CHRNA7: variants seen among roughly 807,000 people sequenced by gnomAD.
The protein encoded by CHRNA7 is cholinergic receptor nicotinic alpha 7 subunit.
In CHRNA7, 17 loss-of-function variants were observed where a neutral mutation model predicts 48.0. That is an observed-to-expected ratio of 0.35 (90% CI 0.24 to 0.53). The LOEUF (loss-of-function observed/expected upper bound fraction) is 0.53, where lower values mean the gene tolerates loss of function less well. Ranked by LOEUF, CHRNA7 falls within the 20% of genes least tolerant of loss-of-function variation. The probability of loss-of-function intolerance (pLI) is 0.92; values close to 1 mark genes in which losing one functional copy is unlikely to be tolerated. For synonymous variants in CHRNA7, 75 were observed against 242.3 expected (o/e 0.31, Z 6.41); for missense variants, 155 against 577.7 (o/e 0.27, Z 7.50).
intron 2 of CHRNA7, among the ~76,000 whole-genome samples, chr15:32,088,519 A>C (rs1211651988): frequency 6.6e-6 from 1 of 152,154 alleles, no homozygotes; most frequent in Non-Finnish European, 1.5e-5. Flanking sequence ...TCGTCTTCCA[A>C]AGTGGTGGTA....
chr15:32,142,382 T>C (rs1328060814), intron 4 of CHRNA7, among the ~76,000 whole-genome samples: 2 of 152,208 alleles, frequency 1.3e-5, no homozygotes, highest in Admixed American at 1.3e-4. Context: ...TAAAATTCTC[T>C]TTTTTGGTTG....
intron 2 of CHRNA7, among the ~76,000 whole-genome samples, chr15:32,060,017 A>G (rs1036775573): frequency 1.5e-4 from 23 of 151,188 alleles, no homozygotes; most frequent in Admixed American, 1.3e-3. Context: ...CCACCCACAA[A>G]TTATCTGAAA....
At chr15:32,131,962 A>G (rs1372541178) in intron 4 of CHRNA7, among the ~76,000 whole-genome samples, 2 of 148,862 alleles carry the variant, frequency 1.3e-5, no homozygotes, top group East Asian at 4.4e-4. Context: ...AGGCTCCCCA[A>G]GTGTTCTCCA....
At chr15:32,153,608 C>G (rs1351642804) in intron 4 of CHRNA7, 1 of 549,318 alleles carries the variant, frequency 1.8e-6, no homozygotes, top group Non-Finnish European at 3.3e-6. Context: ...CTGCCGATGT[C>G]CTCCAGAGTT....
At chr15:32,071,786 GC>G (rs1478000230) in intron 2 of CHRNA7, among the ~76,000 whole-genome samples, 1 of 150,840 alleles carries the variant, frequency 6.6e-6, no homozygotes, top group Non-Finnish European at 1.5e-5. Flanking sequence ...CTGGCACTAT[GC>G]TTCTCGTACA....
intron 2 of CHRNA7, among the ~76,000 whole-genome samples, chr15:32,070,224 G>T (rs1214622064): frequency 6.6e-6 from 1 of 151,998 alleles, no homozygotes; most frequent in African/African-American, 2.4e-5. Context: ...GTTTTGTTTT[G>T]TTTTTTGCCC....
chr15:32,093,593 G>A (rs2050417729), intron 2 of CHRNA7, among the ~76,000 whole-genome samples: 1 of 152,118 alleles, frequency 6.6e-6, no homozygotes, highest in African/African-American at 2.4e-5. Flanking sequence ...GATTTCACAG[G>A]GGAAACAAAA....
At chr15:32,110,505 T>C (rs991074462) in intron 3 of CHRNA7, among the ~76,000 whole-genome samples, 5 of 152,208 alleles carry the variant, frequency 3.3e-5, no homozygotes, top group Admixed American at 6.5e-5. Context: ...ATAGTTCCTC[T>C]CCTTTGATGT....
intron 2 of CHRNA7, among the ~76,000 whole-genome samples, chr15:32,065,297 A>G (rs1308533281): frequency 1.3e-5 from 2 of 152,178 alleles, no homozygotes; most frequent in African/African-American, 4.8e-5. Flanking sequence ...AGTGGAGAGA[A>G]CAGAGTTAAA....
chr15:32,060,867 T>A (rs892417371), intron 2 of CHRNA7, among the ~76,000 whole-genome samples: 4 of 152,166 alleles, frequency 2.6e-5, no homozygotes, highest in African/African-American at 9.7e-5. Flanking sequence ...TGAGGTGCGA[T>A]GGCATTGTTG....
intron 2 of CHRNA7, among the ~76,000 whole-genome samples, chr15:32,064,190 G>C (rs990047039): frequency 6.6e-6 from 1 of 152,152 alleles, no homozygotes; most frequent in African/African-American, 2.4e-5. Context: ...CCGTTGCTCT[G>C]TTATAGTACT....
Position 32,108,691 on chromosome 15 carries a change from A to G in CHRNA7, c.241-3099A>G, listed in dbSNP as rs61373481. ...GTCTTCCCCACCCTTGGCTGCAGCT[A>G]TGTTATGACTGTTACTACAGCTCCC... On this transcript the variant is annotated intron_variant, in intron 3 of 9. Coordinates refer to ENST00000306901, the MANE Select transcript of CHRNA7 (RefSeq NM_000746.6). Among the ~76,000 whole-genome samples the G allele has an allele frequency of 2.6e-3, 397 of 152,196 alleles. 1 individual carries two copies. Among genetic ancestry groups the G allele is most frequent in the African/African-American group, 8.8e-3 (367 of 41,518 alleles).
chr15:32,063,983 A>C (rs1279832914), intron 2 of CHRNA7, among the ~76,000 whole-genome samples: 2 of 152,206 alleles, frequency 1.3e-5, no homozygotes, highest in Non-Finnish European at 2.9e-5. Context: ...GAAAGGGAGC[A>C]TAGCAGGATT....
At chr15:32,097,647 T>G (rs1334425180) in intron 2 of CHRNA7, among the ~76,000 whole-genome samples, 2 of 152,248 alleles carry the variant, frequency 1.3e-5, no homozygotes, top group Admixed American at 1.3e-4. Flanking sequence ...CAAATGGAAT[T>G]AAACATAGAG....
intron 2 of CHRNA7, among the ~76,000 whole-genome samples, chr15:32,055,437 A>T (rs1172095406): frequency 6.6e-6 from 1 of 152,184 alleles, no homozygotes; most frequent in East Asian, 1.9e-4. Context: ...TATCTGGCAT[A>T]TCTTGCTGCT....
intron 5 of CHRNA7, chr15:32,156,604 C>A (rs1268679138): frequency 1.4e-4 from 3 of 21,154 alleles, no homozygotes; most frequent in Non-Finnish European, 2.8e-4. Flanking sequence ...GGAGTGGCCT[C>A]TATCTGGTTT....
At position 32,119,759 on chromosome 15, in the gene CHRNA7, G is replaced by A. The variant is rs369298906; in HGVS notation, c.350+7860G>A. On this transcript the variant is annotated intron_variant, in intron 4 of 9. Coordinates refer to ENST00000306901, the MANE Select transcript of CHRNA7 (RefSeq NM_000746.6). Reference sequence around the variant, plus strand: ...ACACTCCTCCCAGCCTGTGGCAGTGGGCAGGTTTTGCTTTTGTTGTTTCTT... The same window carrying A: ...ACACTCCTCCCAGCCTGTGGCAGTGAGCAGGTTTTGCTTTTGTTGTTTCTT... 6.1e-4 allele frequency among the ~76,000 whole-genome samples: 93 copies of A among 152,238 alleles called. 1 individual carries two copies. The South Asian group carries it at 0.016, about 26-fold the overall frequency.
chr15:32,127,131 A>G (rs1047158694), intron 4 of CHRNA7, among the ~76,000 whole-genome samples: 23 of 152,272 alleles, frequency 1.5e-4, no homozygotes, highest in African/African-American at 5.3e-4. Context: ...TTATGTGTAG[A>G]CTAATATAGT....
chr15:32,143,113 G>C (rs146882279), intron 4 of CHRNA7, among the ~76,000 whole-genome samples: 1 of 152,152 alleles, frequency 6.6e-6, no homozygotes, highest in South Asian at 2.1e-4. Flanking sequence ...ATTCTGGTAC[G>C]TTGTGTGTCT....
Sources: allele counts gnomAD v4.1 joint callset (sites outside exome capture counted in the v4.1 genomes callset), GRCh38; gene constraint gnomAD v4.1.1; transcripts MANE v1.5; gene names NCBI Gene and HGNC (gene_info 2026-07-23, HGNC 2026-07-21).